The following LILRA6 variants were observed in gnomAD, a reference collection of about 807,000 sequenced individuals.
LILRA6 encodes the protein leukocyte immunoglobulin like receptor A6.
In LILRA6, 16 loss-of-function variants were observed where a neutral mutation model predicts 53.9. The observed-to-expected ratio is 0.30, with a 90% CI of 0.20 to 0.45. The LOEUF (loss-of-function observed/expected upper bound fraction) is 0.45, where lower values mean the gene tolerates loss of function less well. LILRA6 is among the 20% of genes least tolerant of loss of function. The pLI, the probability that LILRA6 is intolerant of heterozygous loss-of-function variation, is 1.00. For missense variants in LILRA6, 306 were observed against 618.6 expected (o/e 0.49, Z 5.36); for synonymous variants, 135 against 256.4 (o/e 0.53, Z 4.52).
intron 7 of LILRA6, 199 bp from the exon 8 acceptor site, chr19:54,239,288 G>T: frequency 2.7e-6 from 4 of 1,469,620 alleles, no homozygotes; most frequent in Non-Finnish European, 2.7e-6. Context: ...GAAGGGGAGA[G>T]CCCTGAGCCA....
chr19:54,241,054 C>T, exon 5 of LILRA6: 2 of 1,612,266 alleles, frequency 1.2e-6, no homozygotes, highest in Admixed American at 1.7e-5. Context: ...CAGAGCCACA[C>T]TGGAGGGTCA....
downstream of LILRA6, chr19:54,237,867 G>A (rs1036069841): frequency 4.0e-5 from 6 of 150,736 alleles, no homozygotes; most frequent in African/African-American, 1.2e-4. Flanking sequence ...AACCACATAT[G>A]TTTCCTTTGT....
intron 7 of LILRA6, chr19:54,239,344 C>T (rs1260334144): frequency 2.6e-5 from 30 of 1,137,244 alleles, no homozygotes; most frequent in African/African-American, 1.3e-4. Flanking sequence ...GGCCTCATGA[C>T]GTGGCTTTTA....
At chr19:54,241,906 A>G (rs778010283) in intron 3 of LILRA6, 28 bp from the exon 4 acceptor site, 1 of 1,282,282 alleles carries the variant, frequency 7.8e-7, no homozygotes. Context: ...ACCATGTTAA[A>G]TGGGGCTCCC....
exon 3 of LILRA6, chr19:54,242,097 C>T (rs1164488067): frequency 3.6e-6 from 5 of 1,396,402 alleles, no homozygotes; most frequent in Non-Finnish European, 4.8e-6. Flanking sequence ...GCAGCGGTAT[C>T]TCCCCGCATG....
At chr19:54,242,409 A>G in intron 2 of LILRA6, 99 bp from the exon 3 acceptor site, 1 of 1,067,536 alleles carries the variant, frequency 9.4e-7, no homozygotes, top group South Asian at 2.0e-5. Context: ...GTCACCCAGA[A>G]CTACTGTCTC....
chr19:54,242,457 C>T (rs2078790899), intron 2 of LILRA6, 62 bp downstream of exon 2: 1 of 1,077,114 alleles, frequency 9.3e-7, no homozygotes. Context: ...CCCCAGCTGC[C>T]CATGTGTGGC....
Position 54,239,382 on chromosome 19 carries a change from C to T in LILRA6, c.1310-293G>A. 3 of 763,622 alleles carry T rather than the reference C, an allele frequency of 3.9e-6. 1 individual carries two copies. Among genetic ancestry groups the T allele is most frequent in the Non-Finnish European group, 6.0e-6 (3 of 499,444 alleles). 47.3% of individuals were successfully genotyped at this position (763,622 alleles called of 1,614,324 possible). On this transcript the variant is annotated intron_variant, in intron 7 of 7. Coordinates refer to ENST00000396365, the Ensembl canonical transcript of LILRA6. ...GAGTTCCTCAATAAACCCTCCCTCT[C>T]CTGCAGCAGGGCTCCCTCCAGTCTC...
intron 7 of LILRA6, chr19:54,239,587 C>A (rs1022030918): frequency 3.7e-6 from 4 of 1,094,636 alleles, no homozygotes; most frequent in South Asian, 3.1e-5. Context: ...AGGGTCAGGG[C>A]CCTCACCTGA....
At chr19:54,237,840 A>G (rs1214665885), downstream of LILRA6, 2 of 150,606 alleles carry the variant, frequency 1.3e-5, no homozygotes, top group Non-Finnish European at 1.5e-5. Context: ...GCCTCGTAGT[A>G]TCCCTTGGTG....
intron 7 of LILRA6, 76 bp from the exon 8 acceptor site, chr19:54,239,165 A>G (rs2078681432): frequency 1.3e-6 from 2 of 1,597,404 alleles, no homozygotes; most frequent in Admixed American, 1.7e-5. Flanking sequence ...TGCCCAACCC[A>G]GGGCACCCCC....
chr19:54,240,229 G>C, intron 6 of LILRA6, 45 bp downstream of exon 6: 1 of 1,598,154 alleles, frequency 6.3e-7, no homozygotes, highest in Non-Finnish European at 8.5e-7. Context: ...GCCTGGGCCT[G>C]AGCTGAGCCT....
At chr19:54,237,548 G>C (rs4328567), downstream of LILRA6, 56,134 of 149,486 alleles carry the variant, frequency 0.38, 6,773 homozygotes, top group Middle Eastern at 0.49. Flanking sequence ...GTCACCAAAT[G>C]AAAGTCAGCG....
exon 5 of LILRA6, chr19:54,240,890 G>T: frequency 6.2e-7 from 1 of 1,614,096 alleles, no homozygotes; most frequent in Non-Finnish European, 8.5e-7. Context: ...GAGGTTGTGT[G>T]CACCATAGCA....
At chr19:54,238,983 C>T (rs770482091) in exon 8 of LILRA6, 1 of 1,611,412 alleles carries the variant, frequency 6.2e-7, no homozygotes, top group Middle Eastern at 1.7e-4. Flanking sequence ...GGGGGTTTCT[C>T]TGGCTGTGCT....
exon 2 of LILRA6, chr19:54,242,537 T>A: frequency 9.2e-7 from 1 of 1,082,416 alleles, no homozygotes; most frequent in South Asian, 2.0e-5. Flanking sequence ...ACGTGGGTCC[T>A]GGGGCCCAGA....
rs1396858588 is a variant in LILRA6, at chr19:54,242,778, T to A, written c.-27A>T. ...GCGTCTCCTCCTGGTGACCCCGGGC[T>A]CTGCAGAGGGATGAGCCCTCAGTGC... On this transcript the variant is annotated 5_prime_UTR_variant, in exon 1 of 8. Coordinates refer to ENST00000396365, the Ensembl canonical transcript of LILRA6. 3.8e-6 allele frequency: 4 copies of A among 1,052,574 alleles called. 1 individual carries two copies. Among genetic ancestry groups the A allele is most frequent in the Non-Finnish European group, 5.2e-6 (4 of 771,204 alleles). 65.2% of individuals were successfully genotyped at this position (1,052,574 alleles called of 1,614,324 possible).
At chr19:54,238,849 A>AC in exon 8 of LILRA6, 2 of 1,520,342 alleles carry the variant, frequency 1.3e-6, no homozygotes, top group Non-Finnish European at 1.8e-6. Context: ...CTGAAATCTC[A>AC]CCCCCCTCTG....
exon 8 of LILRA6, chr19:54,238,962 G>A (rs746141190): frequency 2.0e-5 from 32 of 1,610,986 alleles, no homozygotes; most frequent in Middle Eastern, 1.6e-4. Context: ...TTCACCTCCC[G>A]GCTGCATCTT....
Sources: allele counts gnomAD v4.1 joint callset, GRCh38; gene constraint gnomAD v4.1.1; transcripts MANE v1.5; gene names NCBI Gene and HGNC (gene_info 2026-07-23, HGNC 2026-07-21).